CNTN1: variants seen among roughly 807,000 people sequenced by gnomAD.
The protein encoded by CNTN1 is contactin-1.
Under a neutral mutation model 126.4 loss-of-function variants are expected in CNTN1, and 38 were observed. The ratio of observed to expected loss-of-function variants is 0.30; its 90% confidence interval spans 0.23 to 0.39. CNTN1 has a LOEUF of 0.39. CNTN1 is among the 10% of genes least tolerant of loss of function. The pLI is 1.00. For missense variants in CNTN1, 1,009 were observed against 1,248.4 expected, an observed-to-expected ratio of 0.81 and a Z score of 2.89; for synonymous variants, 413 against 422.6, an observed-to-expected ratio of 0.98 and a Z score of 0.28.
chr12:40,936,244 A>G (rs1946076957), intron 9 of CNTN1, among the ~76,000 whole-genome samples: 1 of 152,088 alleles, frequency 6.6e-6, no homozygotes, highest in Admixed American at 6.6e-5. Flanking sequence ...TGGCTACTGT[A>G]TATAGTTTCT....
intron 4 of CNTN1, among the ~76,000 whole-genome samples, chr12:40,921,746 G>A (rs1945449923): frequency 6.6e-6 from 1 of 152,162 alleles, no homozygotes; most frequent in Admixed American, 6.5e-5. Context: ...TTCAAATTGT[G>A]TGACTGACCT....
intron 1 of CNTN1, among the ~76,000 whole-genome samples, chr12:40,709,360 G>C (rs1374478191): frequency 1.3e-5 from 2 of 152,162 alleles, no homozygotes; most frequent in Non-Finnish European, 2.9e-5. Context: ...GCTACATCCA[G>C]ACTTTGTTGT....
intron 15 of CNTN1, among the ~76,000 whole-genome samples, chr12:40,970,457 A>G (rs1947469866): frequency 6.6e-6 from 1 of 152,138 alleles, no homozygotes; most frequent in Admixed American, 6.6e-5. Flanking sequence ...TACAACAAGC[A>G]GTCAGCATAG....
At chr12:40,993,645 C>T (rs577992324) in intron 17 of CNTN1, among the ~76,000 whole-genome samples, 2 of 152,232 alleles carry the variant, frequency 1.3e-5, no homozygotes, top group Non-Finnish European at 2.9e-5. Flanking sequence ...CTTGATTAAA[C>T]ATGTTTCATG....
chr12:41,029,171 G>A lies in CNTN1; in HGVS notation c.2932G>A (p.Ala978Thr), dbSNP rs773622747. The change falls in exon 23 of 24, where the codon GCG becomes ACG. Residue 978 changes from alanine (A) to threonine (T), a missense_variant. By Grantham distance (58) the Ala-to-Thr change is moderately conservative. Coordinates refer to ENST00000551295, the MANE Select transcript of CNTN1 (RefSeq NM_001843.4). Reference protein sequence around the residue: ...RDGEYVVEVRAHSDGGDGVVS... With the variant: ...RDGEYVVEVRTHSDGGDGVVS... ...TGGAGAATACGTTGTGGAGGTTCGC[G>A]CGCACAGTGATGGAGGAGATGGAGT... 11 of 1,614,060 alleles carry A rather than the reference G, an allele frequency of 6.8e-6. No individual in the cohort carries two copies. The highest frequency in any genetic ancestry group is 2.2e-5 in the East Asian group (1 of 44,870).
At position 41,016,961 on chromosome 12, in the gene CNTN1, G is replaced by T. The variant is rs56236911; in HGVS notation, c.2419+45G>T. On this transcript the variant is annotated intron_variant, in intron 19 of 23. Coordinates refer to ENST00000551295, the MANE Select transcript of CNTN1 (RefSeq NM_001843.4). ...TCTTACCTGAGGAGGGAGGAAAAAC[G>T]TATTTCTCTAGCAGGCATTTAGTTT... 80,597 of 1,490,466 alleles carry T rather than the reference G, an allele frequency of 0.054. 2,629 individuals carry two copies. Among genetic ancestry groups the T allele is most frequent in the Non-Finnish European group, 0.06 (64,108 of 1,068,198 alleles). 92.3% of individuals were successfully genotyped at this position (1,490,466 alleles called of 1,614,324 possible).
rs1222083074 is a variant in CNTN1, at chr12:40,839,352, G to T, written c.-76-69005G>T. Among the ~76,000 whole-genome samples, 4 of 147,354 alleles carry T rather than the reference G, an allele frequency of 2.7e-5. No individual in the cohort carries two copies. The Admixed American group carries it at 2.7e-4, about 10-fold the overall frequency. ...TGAAGAAACAACAACAAAAAGATTA[G>T]AAACTGTTTAACGAAATGATAGATG... On this transcript the variant is annotated intron_variant, in intron 1 of 23. Coordinates refer to ENST00000551295, the MANE Select transcript of CNTN1 (RefSeq NM_001843.4).
intron 17 of CNTN1, among the ~76,000 whole-genome samples, chr12:40,999,860 G>A (rs950300256): frequency 5.9e-5 from 9 of 151,636 alleles, no homozygotes; most frequent in Non-Finnish European, 8.8e-5. Flanking sequence ...TCACCACCAC[G>A]CCCAGCTAGT....
chr12:40,986,110 C>A (rs931960806), intron 16 of CNTN1, among the ~76,000 whole-genome samples: 1 of 152,124 alleles, frequency 6.6e-6, no homozygotes, highest in Non-Finnish European at 1.5e-5. Flanking sequence ...TTTGTTTATA[C>A]AAGTTGTGCA....
chr12:40,886,131 T>G (rs1791020079), intron 1 of CNTN1, among the ~76,000 whole-genome samples: 1 of 152,132 alleles, frequency 6.6e-6, no homozygotes, highest in Non-Finnish European at 1.5e-5. Flanking sequence ...TCATACCGTA[T>G]GCAAAATAAT....
intron 1 of CNTN1, among the ~76,000 whole-genome samples, chr12:40,715,278 G>C (rs1054175090): frequency 2.0e-5 from 3 of 152,044 alleles, no homozygotes; most frequent in Non-Finnish European, 4.4e-5. Context: ...CCTCCTTTGG[G>C]TACCACTGCC....
chr12:40,735,349 A>G (rs576151778), intron 1 of CNTN1, among the ~76,000 whole-genome samples: 24 of 151,996 alleles, frequency 1.6e-4, no homozygotes, highest in Non-Finnish European at 3.1e-4. Flanking sequence ...ACACACAAAG[A>G]AAGAAACGTA....
intron 1 of CNTN1, among the ~76,000 whole-genome samples, chr12:40,889,953 AG>A (rs1771148733): frequency 6.6e-6 from 1 of 152,194 alleles, no homozygotes. Context: ...TATTTGAAAC[AG>A]TGGGTGTTCT....
At chr12:40,959,862 C>T (rs941425653) in intron 15 of CNTN1, among the ~76,000 whole-genome samples, 1 of 152,100 alleles carries the variant, frequency 6.6e-6, no homozygotes, top group African/African-American at 2.4e-5. Context: ...TCTTCACTGA[C>T]TGCCCTTTAG....
intron 1 of CNTN1, among the ~76,000 whole-genome samples, chr12:40,900,084 G>GA (rs1156773441): frequency 6.6e-6 from 1 of 152,046 alleles, no homozygotes; most frequent in African/African-American, 2.4e-5. Context: ...CTGCTGAGGA[G>GA]AAAAAAATCT....
chr12:41,057,960 C>T (rs1205273092), intron 23 of CNTN1, among the ~76,000 whole-genome samples: 1 of 152,014 alleles, frequency 6.6e-6, no homozygotes, highest in South Asian at 2.1e-4. Flanking sequence ...CAAATGACGG[C>T]ATTTTCTATT....
chr12:40,788,071 A>T (rs1940093412), intron 1 of CNTN1, among the ~76,000 whole-genome samples: 1 of 152,088 alleles, frequency 6.6e-6, no homozygotes, highest in Non-Finnish European at 1.5e-5. Flanking sequence ...TTTTATTTTG[A>T]ATTATATTAA....
At chr12:41,042,823 C>CA (rs1473549065) in intron 23 of CNTN1, among the ~76,000 whole-genome samples, 1 of 151,986 alleles carries the variant, frequency 6.6e-6, no homozygotes, top group Non-Finnish European at 1.5e-5. Context: ...TGGAACAGAA[C>CA]AGAGCCCTCA....
At chr12:40,955,617 CTATT>C (rs755767625) in intron 14 of CNTN1, among the ~76,000 whole-genome samples, 9 of 152,140 alleles carry the variant, frequency 5.9e-5, no homozygotes, top group Admixed American at 1.3e-4. Context: ...TTTAATGTAT[CTATT>C]CAATATTTGT....
Sources: allele counts gnomAD v4.1 joint callset (sites outside exome capture counted in the v4.1 genomes callset), GRCh38; gene constraint gnomAD v4.1.1; transcripts MANE v1.5; gene names NCBI Gene and HGNC (gene_info 2026-07-23, HGNC 2026-07-21).